PCDH7: variants seen among roughly 807,000 people sequenced by gnomAD.
The protein encoded by PCDH7 is protocadherin-7.
PCDH7 carries 17 observed loss-of-function variants against 58.9 expected under a neutral mutation model. That is an observed-to-expected ratio of 0.29 (90% confidence interval 0.20 to 0.43). The LOEUF (loss-of-function observed/expected upper bound fraction) is 0.43. Among genes scored for constraint, PCDH7 ranks in the 20% least tolerant of loss-of-function variants. The pLI is 1.00. For missense variants in PCDH7, 1,274 were observed against 1,441.0 expected, an observed-to-expected ratio of 0.88 and a Z score of 1.88; for synonymous variants, 664 against 616.4, an observed-to-expected ratio of 1.08 and a Z score of -1.14.
At chr4:30,818,369 G>A (rs1390638838) in intron 1 of PCDH7, among the ~76,000 whole-genome samples, 1 of 152,096 alleles carries the variant, frequency 6.6e-6, no homozygotes, top group African/African-American at 2.4e-5. Flanking sequence ...ATTATTTACT[G>A]TTTCTCAGCT....
chr4:31,103,953 C>T (rs934205845), intron 3 of PCDH7, among the ~76,000 whole-genome samples: 5 of 152,112 alleles, frequency 3.3e-5, no homozygotes, highest in Admixed American at 1.3e-4. Context: ...ATACGTGATA[C>T]GGTTTCATGC....
At chr4:30,854,957 A>G (rs1354840935) in intron 1 of PCDH7, among the ~76,000 whole-genome samples, 2 of 152,184 alleles carry the variant, frequency 1.3e-5, no homozygotes, top group East Asian at 1.9e-4. Flanking sequence ...CAGGAGCTGT[A>G]TAGTTCTGAG....
intron 3 of PCDH7, among the ~76,000 whole-genome samples, chr4:31,002,319 G>A (rs35131545): frequency 6.6e-6 from 1 of 152,118 alleles, no homozygotes; most frequent in African/African-American, 2.4e-5. Context: ...CAGCTTCACA[G>A]CAGACTCATT....
At chr4:30,969,248 A>G (rs1264271431) in intron 3 of PCDH7, among the ~76,000 whole-genome samples, 1 of 152,204 alleles carries the variant, frequency 6.6e-6, no homozygotes, top group Non-Finnish European at 1.5e-5. Context: ...CAATGCATAA[A>G]GAGTCCCTGG....
At chr4:30,943,724 GTT>G (rs112954030) in intron 2 of PCDH7, among the ~76,000 whole-genome samples, 4 of 138,796 alleles carry the variant, frequency 2.9e-5, no homozygotes, top group Non-Finnish European at 3.2e-5. Flanking sequence ...TTTTTTTGCT[GTT>G]TTTTTTTTTT....
intron 3 of PCDH7, among the ~76,000 whole-genome samples, chr4:31,035,553 A>G (rs1157661594): frequency 6.6e-6 from 1 of 151,966 alleles, no homozygotes; most frequent in Non-Finnish European, 1.5e-5. Context: ...AGCGTCGGCC[A>G]CATCTATGTT....
intron 3 of PCDH7, among the ~76,000 whole-genome samples, chr4:31,063,882 C>T (rs1757886869): frequency 6.6e-6 from 1 of 151,836 alleles, no homozygotes; most frequent in Admixed American, 6.6e-5. Context: ...GATGGAGAAA[C>T]TGAGACAGGC....
At chr4:30,892,355 C>T (rs1004287773) in intron 1 of PCDH7, among the ~76,000 whole-genome samples, 1 of 151,892 alleles carries the variant, frequency 6.6e-6, no homozygotes, top group African/African-American at 2.4e-5. Context: ...GTAAAGTAGA[C>T]CACGTGGAGA....
intron 3 of PCDH7, among the ~76,000 whole-genome samples, chr4:30,996,268 T>G (rs1751890860): frequency 6.6e-6 from 1 of 152,116 alleles, no homozygotes; most frequent in Admixed American, 6.6e-5. Flanking sequence ...AATGAACAAA[T>G]GAAGTTATCC....
At chr4:30,738,844 T>G (rs1387824337) in intron 1 of PCDH7, among the ~76,000 whole-genome samples, 1 of 152,014 alleles carries the variant, frequency 6.6e-6, no homozygotes, top group African/African-American at 2.4e-5. Flanking sequence ...TCAGTGGATT[T>G]TCATGCACAG....
chr4:31,118,923 G>A (rs1717318438), intron 3 of PCDH7, among the ~76,000 whole-genome samples: 1 of 152,044 alleles, frequency 6.6e-6, no homozygotes. Flanking sequence ...AGCTCCTGTT[G>A]GCTTACTCCT....
intron 3 of PCDH7, among the ~76,000 whole-genome samples, chr4:31,024,014 T>C (rs963082887): frequency 5.9e-5 from 9 of 152,260 alleles, no homozygotes; most frequent in Admixed American, 1.3e-4. Flanking sequence ...TCCATTTGGG[T>C]GGAATCAGGG....
chr4:30,988,080 T>A (rs1009474466), intron 3 of PCDH7, among the ~76,000 whole-genome samples: 4 of 152,134 alleles, frequency 2.6e-5, no homozygotes, highest in Non-Finnish European at 4.4e-5. Context: ...CAGACATGAG[T>A]TGCATAAAAA....
intron 3 of PCDH7, among the ~76,000 whole-genome samples, chr4:31,010,945 A>C (rs1183431556): frequency 6.6e-6 from 1 of 152,012 alleles, no homozygotes; most frequent in Non-Finnish European, 1.5e-5. Context: ...GATAGAAAAT[A>C]AATGCCAGCC....
intron 1 of PCDH7, among the ~76,000 whole-genome samples, chr4:30,836,367 A>C (rs13140818): frequency 0.05 from 7,580 of 152,304 alleles, 393 homozygotes; most frequent in East Asian, 0.25. Flanking sequence ...GATCCACAGG[A>C]GGAAGTGACC....
intron 3 of PCDH7, among the ~76,000 whole-genome samples, chr4:31,113,730 T>A (rs1032003648): frequency 2.0e-5 from 3 of 152,122 alleles, no homozygotes; most frequent in South Asian, 2.1e-4. Flanking sequence ...GTACAAAAAA[T>A]TTTTGCAGTA....
At chr4:30,997,076 C>T (rs13144696) in intron 3 of PCDH7, among the ~76,000 whole-genome samples, 1 of 148,200 alleles carries the variant, frequency 6.7e-6, no homozygotes, top group East Asian at 2.1e-4. Flanking sequence ...TGTTTTCCTT[C>T]TTTTCTTTTT....
intron 3 of PCDH7, among the ~76,000 whole-genome samples, chr4:30,955,715 A>AT (rs1388839381): frequency 1.3e-5 from 2 of 151,332 alleles, no homozygotes; most frequent in African/African-American, 2.4e-5. Context: ...CACCTGGCTA[A>AT]TTTTTTTATT....
intron 2 of PCDH7, among the ~76,000 whole-genome samples, chr4:30,922,595 A>G (rs1418495211): frequency 6.6e-6 from 1 of 152,158 alleles, no homozygotes. Flanking sequence ...TGAGCTTGTT[A>G]ATAAAATATA....
Sources: allele counts gnomAD v4.1 joint callset (sites outside exome capture counted in the v4.1 genomes callset), GRCh38; gene constraint gnomAD v4.1.1; transcripts MANE v1.5; gene names NCBI Gene and HGNC (gene_info 2026-07-23, HGNC 2026-07-21).